ADD2: variants seen among roughly 807,000 people sequenced by gnomAD.
ADD2 encodes beta-adducin.
In ADD2, 23 loss-of-function variants were observed where a neutral mutation model predicts 83.0. The observed-to-expected ratio is 0.28, with a 90% CI of 0.20 to 0.39. The LOEUF (loss-of-function observed/expected upper bound fraction) is 0.39, where lower values mean the gene tolerates loss of function less well. Among genes scored for constraint, ADD2 ranks in the 10% least tolerant of loss-of-function variants. The probability of loss-of-function intolerance (pLI) is 1.00; values close to 1 mark genes in which losing one functional copy is unlikely to be tolerated. For missense variants in ADD2, 758 were observed against 944.9 expected (o/e 0.80, Z 2.59); for synonymous variants, 375 against 375.4 (o/e 1.00, Z 0.01).
At chr2:70,721,715 A>G (rs1208069101) in intron 1 of ADD2, among the ~76,000 whole-genome samples, 6 of 152,242 alleles carry the variant, frequency 3.9e-5, no homozygotes, top group African/African-American at 1.4e-4. Context: ...CTGTACTAAC[A>G]TGAACAAAGA....
chr2:70,692,612 TCCCAGCTGGTGGG>T, intron 6 of ADD2, 60 bp from the exon 7 acceptor site: 1 of 1,501,870 alleles, frequency 6.7e-7, no homozygotes, highest in Admixed American at 2.1e-5. Flanking sequence ...CGCACTCCTC[TCCCAGCTGGTGGG>T]CCCAGCATGT....
At chr2:70,680,475 CTTTTTA>C (rs1284152126) in intron 10 of ADD2, among the ~76,000 whole-genome samples, 2 of 152,140 alleles carry the variant, frequency 1.3e-5, no homozygotes, top group Non-Finnish European at 2.9e-5. Context: ...AATTACTTTT[CTTTTTA>C]TAACATTGCC....
intron 1 of ADD2, among the ~76,000 whole-genome samples, chr2:70,729,887 A>G (rs1558565091): frequency 1.3e-5 from 2 of 152,336 alleles, no homozygotes; most frequent in African/African-American, 2.4e-5. Flanking sequence ...CTGCATTTCC[A>G]TATTTAAGGA....
At chr2:70,731,889 C>A (rs1673301595) in intron 1 of ADD2, among the ~76,000 whole-genome samples, 3 of 152,214 alleles carry the variant, frequency 2.0e-5, no homozygotes, top group African/African-American at 7.2e-5. Context: ...ACCAACCAAC[C>A]TTAAGTTTCC....
At chr2:70,743,359 G>T (rs1429330804) in intron 1 of ADD2, among the ~76,000 whole-genome samples, 1 of 152,182 alleles carries the variant, frequency 6.6e-6, no homozygotes, top group South Asian at 2.1e-4. Context: ...CTGAGAGCTG[G>T]ATTACCATGA....
intron 1 of ADD2, among the ~76,000 whole-genome samples, chr2:70,730,180 C>T (rs1406430329): frequency 6.6e-6 from 1 of 152,206 alleles, no homozygotes; most frequent in African/African-American, 2.4e-5. Context: ...TCCCAAATTG[C>T]AGCCCTGGGA....
intron 4 of ADD2, among the ~76,000 whole-genome samples, chr2:70,699,010 T>C (rs1393313184): frequency 1.3e-5 from 2 of 152,134 alleles, no homozygotes; most frequent in African/African-American, 4.8e-5. Flanking sequence ...CTGACTCAGA[T>C]ATCCTGGATG....
chr2:70,715,334 C>A (rs1341819643), intron 1 of ADD2, among the ~76,000 whole-genome samples: 3 of 152,214 alleles, frequency 2.0e-5, no homozygotes. Context: ...GCTGCTGTAC[C>A]AAGCACAGCA....
chr2:70,686,760 A>G (rs1451576387), intron 9 of ADD2, among the ~76,000 whole-genome samples: 1 of 152,150 alleles, frequency 6.6e-6, no homozygotes, highest in Non-Finnish European at 1.5e-5. Flanking sequence ...CGGAGGCGCT[A>G]CATCACATCA....
intron 1 of ADD2, among the ~76,000 whole-genome samples, chr2:70,745,391 T>C (rs1674137038): frequency 1.3e-5 from 2 of 152,156 alleles, no homozygotes; most frequent in African/African-American, 4.8e-5. Context: ...CCCACACTCC[T>C]TTCTGGACAG....
rs1362524252 is a variant in ADD2 at position 70,685,817 on chromosome 2, A to ACCTCCCTCTTCCTCCCC, written c.949-2067_949-2051dup. Among the ~76,000 whole-genome samples, 3 of 152,038 alleles carry ACCTCCCTCTTCCTCCCC rather than the reference A, an allele frequency of 2.0e-5. No individual in the cohort carries two copies. In the East Asian group the frequency reaches 5.8e-4, roughly 29 times the overall value. ...AACCTTGCAAGAGCTGCCTCCTCCC[A>ACCTCCCTCTTCCTCCCC]CCTCCCTCTTCCTCCCCCAGTTTCC... On this transcript the variant is annotated intron_variant, in intron 9 of 15. Coordinates refer to ENST00000264436, the MANE Select transcript of ADD2 (RefSeq NM_001617.4).
intron 6 of ADD2, among the ~76,000 whole-genome samples, chr2:70,692,789 C>A (rs1671114647): frequency 6.6e-6 from 1 of 152,202 alleles, no homozygotes; most frequent in Admixed American, 6.5e-5. Flanking sequence ...AGCAGAGTTT[C>A]TCAGACTTTG....
intron 1 of ADD2, among the ~76,000 whole-genome samples, chr2:70,757,631 G>A (rs886441145): frequency 1.3e-5 from 2 of 152,178 alleles, no homozygotes; most frequent in Admixed American, 6.5e-5. Context: ...GAGATAATCA[G>A]TATGGATGCT....
chr2:70,768,027 C>T lies in ADD2; in HGVS notation c.-295G>A. ...CGTTTTCTGCCCATGCTGCAGCCCG[C>T]GCTCGTCAGAGCTGCTGGGAGATCC... On this transcript the variant is annotated 5_prime_UTR_variant, in exon 1 of 16. Transcript: ENST00000264436. 6.7e-7 allele frequency: 1 copy of T among 1,493,848 alleles called. No homozygotes were observed. Among genetic ancestry groups the T allele is most frequent in the Admixed American group, 2.0e-5 (1 of 49,390 alleles). The allele number at this position is 1,493,848 out of a possible 1,614,324, so 92.5% of individuals were successfully genotyped here.
intron 1 of ADD2, among the ~76,000 whole-genome samples, chr2:70,721,434 CATT>C (rs1672724711): frequency 6.6e-6 from 1 of 152,220 alleles, no homozygotes; most frequent in South Asian, 2.1e-4. Flanking sequence ...AGCTTTCTGA[CATT>C]CTTCTGGTTC....
Position 70,741,334 on chromosome 2 carries a change from T to G in ADD2, c.-154+26552A>C, listed in dbSNP as rs1357811506. 4 of 152,240 alleles carry G rather than the reference T, an allele frequency of 2.6e-5. No homozygotes were observed. The East Asian group carries it at 7.7e-4, about 29-fold the overall frequency. The allele number at this position is 152,240 out of a possible 1,614,324, so 9.4% of individuals were successfully genotyped here. A position where few individuals can be genotyped will look rare whatever the true frequency, so the allele number is the denominator to read the frequency against. On this transcript the variant is annotated intron_variant, in intron 1 of 15. Coordinates refer to ENST00000264436, the MANE Select transcript of ADD2 (RefSeq NM_001617.4). ...AAAAGTTGTTTACAGCCTTACACTATAATTACCTTCTGATATGCCCAATCC... is the reference window on the plus strand; with the variant it reads ...AAAAGTTGTTTACAGCCTTACACTAGAATTACCTTCTGATATGCCCAATCC...
chr2:70,763,324 T>C (rs1305325597), intron 1 of ADD2, among the ~76,000 whole-genome samples: 1 of 151,970 alleles, frequency 6.6e-6, no homozygotes, highest in Non-Finnish European at 1.5e-5. Flanking sequence ...ATATTATTGC[T>C]TTAAAATTCT....
intron 8 of ADD2, among the ~76,000 whole-genome samples, chr2:70,690,048 G>A (rs376555077): frequency 6.6e-6 from 1 of 151,800 alleles, no homozygotes; most frequent in Non-Finnish European, 1.5e-5. Flanking sequence ...TAGCTGACAG[G>A]ATTTTCATCA....
intron 1 of ADD2, chr2:70,767,557 A>G (rs1553386358): frequency 3.0e-6 from 3 of 1,013,300 alleles, no homozygotes; most frequent in African/African-American, 1.7e-5. Context: ...CGGCTAGGCG[A>G]GGCGAGGCTT....
Sources: allele counts gnomAD v4.1 joint callset (sites outside exome capture counted in the v4.1 genomes callset), GRCh38; gene constraint gnomAD v4.1.1; transcripts MANE v1.5; gene names NCBI Gene and HGNC (gene_info 2026-07-23, HGNC 2026-07-21).